The following FAM178B variants were observed in gnomAD, a reference collection of about 807,000 sequenced individuals.
FAM178B encodes protein FAM178B.
In FAM178B, 82 loss-of-function variants were observed where a neutral mutation model predicts 91.7. That is an observed-to-expected ratio of 0.89 (90% confidence interval 0.75 to 1.07). The LOEUF is 1.07. Among genes scored for constraint, FAM178B ranks in the 50% least tolerant of loss-of-function variants. The pLI is 0.00. For synonymous variants in FAM178B, 368 were observed against 359.4 expected (o/e 1.02, Z -0.27); for missense variants, 769 against 846.7 (o/e 0.91, Z 1.14).
rs995528274 is a variant in FAM178B at position 96,979,150 on chromosome 2, G to C, written c.74-6544C>G. 2.1e-5 allele frequency among the ~76,000 whole-genome samples: 3 copies of C among 145,132 alleles called. No individual in the cohort carries two copies. The East Asian group carries it at 6.3e-4, about 31-fold the overall frequency. On this transcript the variant is annotated intron_variant, in intron 1 of 16. Transcript: ENST00000490605. ...CACCACCATGCCTGGCTAATTTTTT[G>C]TATTTTAGTAGAGATGGGGTTTCAC...
rs1460714251 is a variant in FAM178B at position 96,960,269 on chromosome 2, C to T, written c.887+19G>A. On this transcript the variant is annotated intron_variant, in intron 6 of 16. Coordinates refer to ENST00000490605, the MANE Select transcript of FAM178B (RefSeq NM_001122646.3). ...TGGACAGGCTGCGCCACCCCCTCACCCCTCCTCCCCACACTTACCTGAGGA... is the reference window on the plus strand; with the variant it reads ...TGGACAGGCTGCGCCACCCCCTCACTCCTCCTCCCCACACTTACCTGAGGA... 1 of 1,551,184 alleles carries T rather than the reference C, an allele frequency of 6.4e-7. No homozygotes were observed. Among genetic ancestry groups the T allele is most frequent in the Non-Finnish European group, 8.7e-7 (1 of 1,146,922 alleles).
intron 1 of FAM178B, among the ~76,000 whole-genome samples, chr2:96,985,474 G>A (rs1031102217): frequency 2.0e-5 from 3 of 151,960 alleles, no homozygotes; most frequent in Non-Finnish European, 4.4e-5. Context: ...ATCCTCCCTC[G>A]CGTCCTCGCA....
chr2:96,920,934 G>T (rs1002185884), intron 12 of FAM178B, among the ~76,000 whole-genome samples: 3 of 152,186 alleles, frequency 2.0e-5, no homozygotes, highest in Admixed American at 2.0e-4. Context: ...CTGCAGGCAG[G>T]AGCTAATTGC....
At chr2:96,965,714 G>C (rs1361601733) in intron 5 of FAM178B, among the ~76,000 whole-genome samples, 9 of 152,080 alleles carry the variant, frequency 5.9e-5, no homozygotes, top group African/African-American at 2.2e-4. Flanking sequence ...CAATCCTCCT[G>C]CCTTGGCCTC....
At chr2:96,877,286 G>GA (rs2080266227) in intron 16 of FAM178B, among the ~76,000 whole-genome samples, 1 of 152,162 alleles carries the variant, frequency 6.6e-6, no homozygotes, top group African/African-American at 2.4e-5. Flanking sequence ...CACTGCTCAT[G>GA]AAAGACTGGC....
In FAM178B at chr2:96,901,180, T is replaced by C. The variant is rs796872263; in HGVS notation, c.1650+1440A>G. ...AGGAAGGCTGAATTCTTTTTTCTTTTTTTTTTTTTTTTTTTAGAGTCTTGC... is the reference window on the plus strand; with the variant it reads ...AGGAAGGCTGAATTCTTTTTTCTTTCTTTTTTTTTTTTTTTAGAGTCTTGC... On this transcript the variant is annotated intron_variant, in intron 13 of 16. Coordinates refer to ENST00000490605, the MANE Select transcript of FAM178B (RefSeq NM_001122646.3). Among the ~76,000 whole-genome samples the C allele has an allele frequency of 1.6e-4, 24 of 149,232 alleles. No homozygotes were observed. In the South Asian group the frequency reaches 2.1e-3, roughly 13 times the overall value.
At chr2:96,946,212 T>A (rs1156721495) in intron 8 of FAM178B, among the ~76,000 whole-genome samples, 1 of 152,368 alleles carries the variant, frequency 6.6e-6, no homozygotes, top group Non-Finnish European at 1.5e-5. Flanking sequence ...CCTCTTTTTT[T>A]AAAATAATAC....
At chr2:96,930,706 G>A (rs2081526395) in intron 8 of FAM178B, among the ~76,000 whole-genome samples, 1 of 152,202 alleles carries the variant, frequency 6.6e-6, no homozygotes, top group Non-Finnish European at 1.5e-5. Context: ...TATGTTCTGA[G>A]TGTTTATGTA....
rs140280815 is a variant in FAM178B, at chr2:96,940,126, G to A, written c.1078+7692C>T. Among the ~76,000 whole-genome samples, 389 of 152,260 alleles carry A rather than the reference G, an allele frequency of 2.6e-3. 1 individual carries two copies. Among genetic ancestry groups the A allele is most frequent in the Non-Finnish European group, 4.5e-3 (304 of 68,026 alleles). ...GACAACATTCTCACAGCACCAGCAC[G>A]GGGACTGAGTGCAGCTGGCGTGGCA... On this transcript the variant is annotated intron_variant, in intron 8 of 16. Transcript: ENST00000490605.
chr2:96,947,957 G>A (rs2081858585), intron 7 of FAM178B, 55 bp from the exon 8 acceptor site: 4 of 907,372 alleles, frequency 4.4e-6, no homozygotes, highest in Middle Eastern at 2.2e-4. Flanking sequence ...TCATTCCTAA[G>A]AAGCAATAGT....
intron 5 of FAM178B, among the ~76,000 whole-genome samples, chr2:96,964,041 G>T (rs868731664): frequency 3.3e-5 from 5 of 152,056 alleles, no homozygotes; most frequent in Non-Finnish European, 7.4e-5. Flanking sequence ...TTAGCCAGGT[G>T]TGGTGGCCCA....
intron 10 of FAM178B, among the ~76,000 whole-genome samples, chr2:96,922,311 G>T (rs2081355262): frequency 6.6e-6 from 1 of 152,178 alleles, no homozygotes; most frequent in Admixed American, 6.5e-5. Flanking sequence ...TACACCAGCA[G>T]CCCTTGGGGC....
intron 12 of FAM178B, among the ~76,000 whole-genome samples, chr2:96,909,418 C>T (rs544293857): frequency 2.6e-5 from 4 of 152,280 alleles, no homozygotes; most frequent in South Asian, 2.1e-4. Context: ...GGGAGCTCTC[C>T]GCCAACCTAG....
In FAM178B at chr2:96,929,186, G is replaced by T; in HGVS notation, c.1193+20C>A. 1 of 1,470,984 alleles carries T rather than the reference G, an allele frequency of 6.8e-7. No homozygotes were observed. The highest frequency in any genetic ancestry group is 9.3e-7 in the Non-Finnish European group (1 of 1,073,676). The allele number at this position is 1,470,984 out of a possible 1,614,324, so 91.1% of individuals were successfully genotyped here. ...AAAAAATATGAAAGAAAAAGGCAGT[G>T]AGGAAGCAGAAGTACTCACCTGCCA... is the stretch of plus-strand genomic sequence containing the variant. On this transcript the variant is annotated intron_variant, in intron 9 of 16. Coordinates refer to ENST00000490605, the MANE Select transcript of FAM178B (RefSeq NM_001122646.3).
At chr2:96,956,037 T>A (rs1378536168) in intron 6 of FAM178B, among the ~76,000 whole-genome samples, 2 of 152,174 alleles carry the variant, frequency 1.3e-5, no homozygotes, top group Non-Finnish European at 2.9e-5. Flanking sequence ...GCACCAACAG[T>A]GGCAGATGCA....
At position 96,986,296 on chromosome 2, in the gene FAM178B, T is replaced by G. The variant is rs949444471; in HGVS notation, c.18A>C (p.Pro6=). The change falls in exon 1 of 17, where the codon CCA becomes CCC. Residue 6 remains proline (P), a synonymous_variant. Transcript: ENST00000490605. ...TGAGTTGTGGAGCGAGGCCCGCACCTGGAAGCCTTGGCCACATAGGGCGGG... is the reference window on the plus strand; with the variant it reads ...TGAGTTGTGGAGCGAGGCCCGCACCGGGAAGCCTTGGCCACATAGGGCGGG... The part of the protein sequence containing the change: MWPRL[P]GAGLAPQLRR... 2 of 1,534,050 alleles carry G rather than the reference T, an allele frequency of 1.3e-6. No individual in the cohort carries two copies. The highest frequency in any genetic ancestry group is 1.7e-6 in the Non-Finnish European group (2 of 1,146,704).
At chr2:96,892,953 A>G (rs2080718264) in intron 14 of FAM178B, among the ~76,000 whole-genome samples, 1 of 152,210 alleles carries the variant, frequency 6.6e-6, no homozygotes, top group Non-Finnish European at 1.5e-5. Context: ...AAACGCACTA[A>G]TATTAGGCAC....
At chr2:96,885,942 A>G (rs1373847039) in intron 14 of FAM178B, among the ~76,000 whole-genome samples, 1 of 149,794 alleles carries the variant, frequency 6.7e-6, no homozygotes, top group Non-Finnish European at 1.5e-5. Flanking sequence ...GGTCACTGAC[A>G]CCAGCCAGGG....
chr2:96,960,645 G>A (rs539181443), intron 5 of FAM178B, among the ~76,000 whole-genome samples: 1 of 152,284 alleles, frequency 6.6e-6, no homozygotes, highest in African/African-American at 2.4e-5. Context: ...CATCAATAAG[G>A]CCTATCCCTT....
Sources: gnomAD v4.1 joint callset for allele counts (sites outside exome capture counted in the v4.1 genomes callset) on GRCh38, gnomAD v4.1.1 for gene constraint, MANE v1.5 for transcripts, NCBI Gene and HGNC (gene_info 2026-07-23, HGNC 2026-07-21) for gene names.